The following CENPE variants were observed in gnomAD, a reference collection of about 807,000 sequenced individuals.
CENPE encodes the protein centromere-associated protein E.
A neutral mutation model predicts 336.1 loss-of-function variants in CENPE; 145 were observed. The ratio of observed to expected loss-of-function variants is 0.43; its 90% CI spans 0.38 to 0.50. The LOEUF is 0.50. Ranked by LOEUF, CENPE falls within the 20% of genes least tolerant of loss-of-function variation. The probability of loss-of-function intolerance (pLI) is 0.00; values close to 1 mark genes in which losing one functional copy is unlikely to be tolerated. For synonymous variants in CENPE, 1,013 were observed against 984.8 expected, an observed-to-expected ratio of 1.03 and a Z score of -0.54; for missense variants, 2,719 against 3,023.3, an observed-to-expected ratio of 0.90 and a Z score of 2.36.
intron 16 of CENPE, among the ~76,000 whole-genome samples, chr4:103,171,470 A>C (rs1354369041): frequency 6.6e-6 from 1 of 152,064 alleles, no homozygotes; most frequent in Admixed American, 6.6e-5. Context: ...GACAAATGAA[A>C]ATGGAAACAC....
intron 13 of CENPE, among the ~76,000 whole-genome samples, chr4:103,178,724 T>A (rs1010156069): frequency 1.3e-5 from 2 of 152,202 alleles, no homozygotes; most frequent in Admixed American, 6.5e-5. Context: ...GACCACTACC[T>A]CCCTGAAATA....
Position 103,185,796 on chromosome 4 carries a change from T to C in CENPE, c.745+14A>G, listed in dbSNP as rs746498823. 65 of 1,591,706 alleles carry C rather than the reference T, an allele frequency of 4.1e-5. No individual in the cohort carries two copies. Among genetic ancestry groups the C allele is most frequent in the Non-Finnish European group, 5.5e-5 (64 of 1,164,860 alleles). On this transcript the variant is annotated intron_variant, in intron 9 of 48. Transcript: ENST00000265148. ...AAGACATTAAGACTAACATATTTCA[T>C]GAGTTTTAATTACCTGCAGCGCCTG...
At chr4:103,137,165 C>T (rs1449808332) in intron 39 of CENPE, among the ~76,000 whole-genome samples, 1 of 150,206 alleles carries the variant, frequency 6.7e-6, no homozygotes, top group Non-Finnish European at 1.5e-5. Context: ...GCTGTGTAAC[C>T]TTGGGCAACT....
At chr4:103,124,751 G>T (rs1337411705) in intron 42 of CENPE, among the ~76,000 whole-genome samples, 1 of 152,100 alleles carries the variant, frequency 6.6e-6, no homozygotes, top group Non-Finnish European at 1.5e-5. Flanking sequence ...TGCCCCATTA[G>T]TCTCATCCCT....
rs1491577577 is a variant in CENPE, at chr4:103,165,908, A to AG, written c.1648-2356dup. Among the ~76,000 whole-genome samples the AG allele has an allele frequency of 2.0e-5, 3 of 151,612 alleles. No individual in the cohort carries two copies. In the East Asian group the frequency reaches 5.8e-4, roughly 29 times the overall value. ...AAAAAAAAAAAGAAAAAAAAGAAAA[A>AG]GAAATTTAAAAAGAACGGAGTAGGA... On this transcript the variant is annotated intron_variant, in intron 16 of 48. Transcript: ENST00000265148.
At chr4:103,116,908 A>G (rs1750169700) in intron 44 of CENPE, among the ~76,000 whole-genome samples, 1 of 152,140 alleles carries the variant, frequency 6.6e-6, no homozygotes, top group Non-Finnish European at 1.5e-5. Context: ...TTTTATTTGG[A>G]GCTATCATAA....
chr4:103,183,945 T>G (rs971635571), intron 9 of CENPE, among the ~76,000 whole-genome samples: 17 of 152,208 alleles, frequency 1.1e-4, no homozygotes, highest in Non-Finnish European at 2.1e-4. Context: ...TCCATATCGG[T>G]AAACACTGAT....
chr4:103,132,859 C>T lies in CENPE; in HGVS notation c.6758G>A (p.Ser2253Asn). Reference sequence around the variant, plus strand: ...TACTTGTTGAAATTCAGTCTTTATGCTAGGGAACTCACTTTCTGAGAAATC... The same window carrying T: ...TACTTGTTGAAATTCAGTCTTTATGTTAGGGAACTCACTTTCTGAGAAATC... ...LKDFSESEFPSIKTEFQQVLS... is the reference protein window; with the variant it reads ...LKDFSESEFPNIKTEFQQVLS... Residue 2253 changes from serine to asparagine, a missense_variant, in exon 42 of 49, where the codon AGC (serine) becomes AAC (asparagine). By Grantham distance (46) the Ser-to-Asn change is conservative (BLOSUM62 1). Transcript: ENST00000265148. 1 of 1,508,954 alleles carries T rather than the reference C, an allele frequency of 6.6e-7. No homozygotes were observed. Among genetic ancestry groups the T allele is most frequent in the Non-Finnish European group, 8.9e-7 (1 of 1,127,072 alleles). The allele number at this position is 1,508,954 out of a possible 1,614,324, so 93.5% of individuals were successfully genotyped here.
intron 43 of CENPE, among the ~76,000 whole-genome samples, chr4:103,120,994 C>T (rs1203872872): frequency 6.6e-6 from 1 of 152,158 alleles, no homozygotes; most frequent in Admixed American, 6.5e-5. Flanking sequence ...CCTTGGCCTC[C>T]CAAAGTGCTG....
chr4:103,160,961 T>C (rs1754391600), intron 20 of CENPE, 125 bp downstream of exon 20: 1 of 955,894 alleles, frequency 1.0e-6, no homozygotes, highest in Non-Finnish European at 1.5e-6. Flanking sequence ...TAAAACGTAA[T>C]ATTGAGTTTT....
chr4:103,110,754 CGT>C (rs1749333313), intron 47 of CENPE, 72 bp downstream of exon 47: 1 of 1,113,320 alleles, frequency 9.0e-7, no homozygotes, highest in Non-Finnish European at 1.2e-6. Flanking sequence ...GCAAAAAATA[CGT>C]GCATATACCA....
intron 48 of CENPE, among the ~76,000 whole-genome samples, chr4:103,108,514 T>C (rs1749097770): frequency 6.6e-6 from 1 of 152,180 alleles, no homozygotes; most frequent in African/African-American, 2.4e-5. Flanking sequence ...AGTTGCTTTT[T>C]AGGGTAGTAT....
chr4:103,143,443 G>A, intron 33 of CENPE, 37 bp from the exon 34 acceptor site: 1 of 1,347,140 alleles, frequency 7.4e-7, no homozygotes, highest in Non-Finnish European at 1.1e-6. Flanking sequence ...TACATTGAGA[G>A]TAGTACCATC....
chr4:103,192,378 G>A (rs1192105657), intron 8 of CENPE, among the ~76,000 whole-genome samples: 1 of 152,178 alleles, frequency 6.6e-6, no homozygotes, highest in Admixed American at 6.5e-5. Flanking sequence ...AGAGCAGAAG[G>A]AAATAAAGTT....
Position 103,120,170 on chromosome 4 carries a change from T to C in CENPE, c.7307A>G (p.Lys2436Arg). The change falls in exon 44 of 49, where the codon AAA becomes AGA. Residue 2436 changes from lysine to arginine, a missense_variant. Physicochemically the swap from Lys to Arg is conservative, Grantham distance 26 (BLOSUM62 2). Transcript: ENST00000265148. ...HESNKCLEKTKETIQVLQDKV... is the reference protein window; with the variant it reads ...HESNKCLEKTRETIQVLQDKV... ...TACCTGAAGTACTTGAATTGTCTCTTTTGTTTTTTCAAGGCATTTATTTGA... is the reference window on the plus strand; with the variant it reads ...TACCTGAAGTACTTGAATTGTCTCTCTTGTTTTTTCAAGGCATTTATTTGA... 1.2e-6 allele frequency: 2 copies of C among 1,602,498 alleles called. No individual in the cohort carries two copies. Among genetic ancestry groups the C allele is most frequent in the Non-Finnish European group, 1.7e-6 (2 of 1,176,502 alleles).
In CENPE at chr4:103,140,829, T is replaced by C. The variant is rs1752491337; in HGVS notation, c.5739A>G (p.Gln1913=). ...CACAACTCACTCTAGCTTTGGTTTCTTGCAGGCTTTCCTTGAGTTGGTCTC... is the reference window on the plus strand; with the variant it reads ...CACAACTCACTCTAGCTTTGGTTTCCTGCAGGCTTTCCTTGAGTTGGTCTC... ...LERDQLKESL[Q]ETKARDLEIQ... The change falls in exon 36 of 49, where the codon CAA becomes CAG. Residue 1913 remains glutamine (Q), a synonymous_variant. Transcript: ENST00000265148. 6.3e-7 allele frequency: 1 copy of C among 1,587,748 alleles called. No homozygotes were observed. The highest frequency in any genetic ancestry group is 8.5e-7 in the Non-Finnish European group (1 of 1,171,994).
intron 16 of CENPE, among the ~76,000 whole-genome samples, chr4:103,169,663 G>A (rs1449521852): frequency 6.6e-6 from 1 of 152,104 alleles, no homozygotes; most frequent in East Asian, 1.9e-4. Context: ...TGGAGAAATA[G>A]GAATGCTTTT....
chr4:103,115,933 G>C (rs1006177566), intron 45 of CENPE, among the ~76,000 whole-genome samples: 7 of 151,838 alleles, frequency 4.6e-5, no homozygotes, highest in African/African-American at 1.7e-4. Flanking sequence ...GGGTTTCACC[G>C]TGTTAGCCAG....
At chr4:103,169,740 C>G (rs1159653487) in intron 16 of CENPE, among the ~76,000 whole-genome samples, 3 of 152,106 alleles carry the variant, frequency 2.0e-5, no homozygotes, top group Non-Finnish European at 4.4e-5. Flanking sequence ...CCTCAAGGAT[C>G]TAGAACTAGA....
Sources: allele counts gnomAD v4.1 joint callset (sites outside exome capture counted in the v4.1 genomes callset), GRCh38; gene constraint gnomAD v4.1.1; transcripts MANE v1.5; gene names NCBI Gene and HGNC (gene_info 2026-07-23, HGNC 2026-07-21).